The following C4orf50 variants were observed in gnomAD, a reference collection of about 807,000 sequenced individuals.
C4orf50 encodes the protein chromosome 4 open reading frame 50, also known as uncharacterized protein C4orf50.
A neutral mutation model predicts 77.2 loss-of-function variants in C4orf50; 80 were observed. The observed-to-expected ratio is 1.04, with a 90% confidence interval of 0.87 to 1.25. The LOEUF (loss-of-function observed/expected upper bound fraction) is 1.25. Ranked by LOEUF, C4orf50 falls within the 50% of genes most tolerant of loss-of-function variation. The pLI is 0.00. For synonymous variants in C4orf50, 532 were observed against 465.3 expected, an observed-to-expected ratio of 1.14 and a Z score of -1.84; for missense variants, 1,257 against 1,152.9, an observed-to-expected ratio of 1.09 and a Z score of -1.31.
intron 7 of C4orf50, among the ~76,000 whole-genome samples, chr4:5,938,546 T>C (rs1718130038): frequency 6.6e-6 from 1 of 151,248 alleles, no homozygotes; most frequent in Non-Finnish European, 1.5e-5. Flanking sequence ...AATATTAGGG[T>C]GGTTTTGTAA....
At position 5,973,607 on chromosome 4, in the gene C4orf50, C is replaced by T. The variant is rs372604830; in HGVS notation, c.4104+52G>A. The stretch of plus-strand genomic sequence containing the variant: ...CAGTCAGGCAGGGGCATGCAAGGGA[C>T]GCGCCCACACTCCCATAGGAAGCAC... On this transcript the variant is annotated intron_variant, in intron 31 of 33. Transcript: ENST00000531445. 2.2e-4 allele frequency: 319 copies of T among 1,457,026 alleles called. No homozygotes were observed. In the African/African-American group the frequency reaches 3.4e-3, roughly 16 times the overall value. 90.3% of individuals were successfully genotyped at this position (1,457,026 alleles called of 1,614,324 possible). A position where few individuals can be genotyped will look rare whatever the true frequency, so the allele number is the denominator to read the frequency against.
In C4orf50 at chr4:6,008,014, A is replaced by T; in HGVS notation, c.945T>A (p.Pro315=). The T allele has an allele frequency of 2.5e-6, 1 of 399,256 alleles. No homozygotes were observed. Among genetic ancestry groups the T allele is most frequent in the East Asian group, 3.6e-5 (1 of 28,076 alleles). The allele number at this position is 399,256 out of a possible 1,614,324, so 24.7% of individuals were successfully genotyped here. ...CACTTACCAGGCTGCAGTGACCAAT[A>T]GGGGCCTGGGCTCCCAGCTCCTCTC... Residue 315 remains proline, a synonymous_variant, in exon 25 of 34, where the codon CCT becomes CCA. Coordinates refer to ENST00000531445, the Ensembl canonical transcript of C4orf50. The surrounding 1 kb of genome is among the most constrained non-coding windows in gnomAD (Gnocchi z 6.0).
chr4:5,996,622 C>T lies in C4orf50; in HGVS notation c.964-2146G>A, dbSNP rs76133640. On this transcript the variant is annotated intron_variant, in intron 25 of 33. Coordinates refer to ENST00000531445, the Ensembl canonical transcript of C4orf50. ...TGAGGCCTTCTTTGGCCTTCATCTC[C>T]TCCCACTCTGGGTTGGTGGCCTCCT... 1.0e-2 allele frequency among the ~76,000 whole-genome samples: 1,518 copies of T among 152,334 alleles called. 25 individuals are homozygous for T. Among genetic ancestry groups the T allele is most frequent in the African/African-American group, 0.035 (1,456 of 41,562 alleles).
Position 5,916,936 on chromosome 4 carries a change from T to G in C4orf50, c.*2475-18748A>C, listed in dbSNP as rs1274801846. The stretch of plus-strand genomic sequence containing the variant: ...GGCCCAAACACATCACTATGTGGAC[T>G]GAAGAGGGTGGAAATCCAGAGCTGG... On this transcript the variant is annotated intron_variant, in intron 7 of 7. Coordinates refer to the C4orf50 transcript ENST00000324058. This position sits in a 1 kb window ranked among gnomAD's most constrained non-coding sequence, Gnocchi z 4.4. Among the ~76,000 whole-genome samples the G allele has an allele frequency of 6.6e-6, 1 of 152,142 alleles. No homozygotes were observed.
At chr4:5,926,540 T>C (rs1717522936) in intron 7 of C4orf50, among the ~76,000 whole-genome samples, 1 of 152,148 alleles carries the variant, frequency 6.6e-6, no homozygotes, top group Non-Finnish European at 1.5e-5. Flanking sequence ...TGGCACAACA[T>C]TGTGAAGGCA....
exon 34 of C4orf50, chr4:5,959,027 G>A (rs551394364): frequency 4.2e-6 from 1 of 240,178 alleles, no homozygotes; most frequent in Non-Finnish European, 8.2e-6. Context: ...CAGTGTCCCA[G>A]CTGTGACAAC....
chr4:6,006,726 C>T (rs765651965), intron 25 of C4orf50, among the ~76,000 whole-genome samples: 38 of 152,148 alleles, frequency 2.5e-4, no homozygotes, highest in Admixed American at 4.6e-4. Flanking sequence ...GGTCACACAG[C>T]GAGTAAATAT....
At chr4:5,921,817 C>G (rs914000500) in intron 7 of C4orf50, among the ~76,000 whole-genome samples, 20 of 152,144 alleles carry the variant, frequency 1.3e-4, no homozygotes, top group Non-Finnish European at 2.9e-5. Flanking sequence ...AAAGAAAGAG[C>G]AGTCTGACGG....
intron 31 of C4orf50, among the ~76,000 whole-genome samples, chr4:5,971,159 C>G (rs1719885301): frequency 6.6e-6 from 1 of 152,212 alleles, no homozygotes; most frequent in Admixed American, 6.5e-5. Flanking sequence ...CACCTCCAGC[C>G]CATCAGAGTC....
chr4:5,959,460 C>G, exon 34 of C4orf50: 1 of 1,614,200 alleles, frequency 6.2e-7, no homozygotes, highest in East Asian at 2.2e-5. Context: ...AGCCAGGATC[C>G]TTGCTGGGCT....
intron 31 of C4orf50, among the ~76,000 whole-genome samples, chr4:5,972,026 GA>G (rs1719957912): frequency 1.0e-5 from 1 of 96,608 alleles, no homozygotes. Context: ...TTTTTTTTTT[GA>G]CACAGTCTTG....
Position 6,008,517 on chromosome 4 carries a change from C to T in C4orf50, c.442G>A (p.Val148Met). The change falls in exon 25 of 34, where the codon GTG (valine) becomes ATG (methionine). Residue 148 changes from valine to methionine, a missense_variant. Coordinates refer to ENST00000531445, the Ensembl canonical transcript of C4orf50. The surrounding 1 kb of genome is among the most constrained non-coding windows in gnomAD (Gnocchi z 6.0). ...AGCCGCCACTGCTGCCGCCTGGCCACGCTCTCCTCCCGGATCTACAAGTTG... is the reference window on the plus strand; with the variant it reads ...AGCCGCCACTGCTGCCGCCTGGCCATGCTCTCCTCCCGGATCTACAAGTTG... 3 of 398,042 alleles carry T rather than the reference C, an allele frequency of 7.5e-6. No homozygotes were observed. Among genetic ancestry groups the T allele is most frequent in the Non-Finnish European group, 8.9e-6 (2 of 225,672 alleles). The allele number at this position is 398,042 out of a possible 1,614,324, so 24.7% of individuals were successfully genotyped here. A position where few individuals can be genotyped will look rare whatever the true frequency, so the allele number is the denominator to read the frequency against.
Position 6,003,902 on chromosome 4 carries a change from TGG to T in C4orf50, c.963+4092_963+4093del, listed in dbSNP as rs879632187. 6.0e-3 allele frequency among the ~76,000 whole-genome samples: 620 copies of T among 103,462 alleles called. 15 individuals carry two copies. The highest frequency in any genetic ancestry group is 7.5e-3 in the Non-Finnish European group (418 of 55,528). 67.9% of individuals were successfully genotyped at this position (103,462 alleles called of 152,430 possible). ...GATGGTGATTATGGTGATGATGTGA[TGG>T]TGATGTTGATGATGGTGGTGATGGT... is the stretch of plus-strand genomic sequence containing the variant. On this transcript the variant is annotated intron_variant, in intron 25 of 33. Transcript: ENST00000531445.
At chr4:5,920,327 G>A (rs907674228) in intron 7 of C4orf50, among the ~76,000 whole-genome samples, 1 of 152,158 alleles carries the variant, frequency 6.6e-6, no homozygotes, top group Non-Finnish European at 1.5e-5. Flanking sequence ...TGACAGTCAT[G>A]TCTACTTTGG....
chr4:5,971,196 G>A (rs1049581684), intron 31 of C4orf50, among the ~76,000 whole-genome samples: 2 of 152,290 alleles, frequency 1.3e-5, no homozygotes, highest in Admixed American at 6.5e-5. Flanking sequence ...CAGTCCTCCT[G>A]GGCTCCTAGC....
intron 30 of C4orf50, among the ~76,000 whole-genome samples, chr4:5,975,139 C>CAAAAAAAAAAAAAAAAA (rs763836859): frequency 2.4e-5 from 2 of 82,870 alleles, no homozygotes; most frequent in Non-Finnish European, 4.8e-5. Context: ...CACTCCATCT[C>CAAAAAAAAAAAAAAAAA]AAAAAAAAAA....
intron 7 of C4orf50, among the ~76,000 whole-genome samples, chr4:5,911,146 T>A (rs1156328399): frequency 6.6e-6 from 1 of 152,136 alleles, no homozygotes; most frequent in East Asian, 1.9e-4. Context: ...CCTGACCTCA[T>A]GATCCACCTG....
At position 5,990,012 on chromosome 4, in the gene C4orf50, G is replaced by T. The variant is rs1238319516; in HGVS notation, c.2034C>A (p.Thr678=). The T allele has an allele frequency of 7.9e-6, 11 of 1,393,484 alleles. No homozygotes were observed. In the Admixed American group the frequency reaches 2.1e-4, roughly 27 times the overall value. 86.3% of individuals were successfully genotyped at this position (1,393,484 alleles called of 1,614,324 possible). ...GACTGTCTGTTGGCCATGGCTCTTT[G>T]GTCTCATGAGCCCTGGAGAAGGTGG... is the stretch of plus-strand genomic sequence containing the variant. Residue 678 remains threonine, a synonymous_variant, in exon 28 of 34, where the codon ACC becomes ACA. Transcript: ENST00000531445.
At chr4:5,989,088 G>C (rs1376800466) in exon 28 of C4orf50, 2 of 1,536,110 alleles carry the variant, frequency 1.3e-6, no homozygotes, top group African/African-American at 1.4e-5. Context: ...TTAACTGAGA[G>C]ATGTCCCCTA....
Sources: allele counts gnomAD v4.1 joint callset (sites outside exome capture counted in the v4.1 genomes callset), GRCh38; gene constraint gnomAD v4.1.1; non-coding constraint Gnocchi (gnomAD v3.1); transcripts MANE v1.5; gene names NCBI Gene and HGNC (gene_info 2026-07-23, HGNC 2026-07-21).